Variants in BDH1 observed in about 807,000 individuals in gnomAD.
The protein encoded by BDH1 is D-beta-hydroxybutyrate dehydrogenase, mitochondrial.
In BDH1, 30 loss-of-function variants were observed where a neutral mutation model predicts 33.1. The observed-to-expected ratio is 0.91, with a 90% CI of 0.68 to 1.23. The LOEUF is 1.23. Among genes scored for constraint, BDH1 ranks in the 50% most tolerant of loss-of-function variants. The pLI is 0.00. For synonymous variants in BDH1, 190 were observed against 183.6 expected (o/e 1.03, Z -0.28); for missense variants, 443 against 464.4 (o/e 0.95, Z 0.42).
intron 3 of BDH1, among the ~76,000 whole-genome samples, chr3:197,536,854 A>G (rs780132990): frequency 2.6e-5 from 4 of 152,242 alleles, no homozygotes; most frequent in Admixed American, 1.3e-4. Flanking sequence ...AAAAAAACCC[A>G]ACCAAACAAA....
At chr3:197,553,149 C>T (rs1716707808) in intron 2 of BDH1, among the ~76,000 whole-genome samples, 1 of 151,770 alleles carries the variant, frequency 6.6e-6, no homozygotes, top group Admixed American at 6.6e-5. Context: ...AACTCCTAAC[C>T]TCAAATGATC....
intron 1 of BDH1, chr3:197,573,064 C>G (rs1037940821): frequency 6.6e-6 from 1 of 152,206 alleles, no homozygotes; most frequent in African/African-American, 2.4e-5. Flanking sequence ...TTTCCAAAGG[C>G]CTATTCACGC....
chr3:197,511,975 T>C lies in BDH1; in HGVS notation c.952A>G (p.Met318Val), dbSNP rs752493424. 1 of 1,610,422 alleles carries C rather than the reference T, an allele frequency of 6.2e-7. No individual in the cohort carries two copies. The highest frequency in any genetic ancestry group is 8.5e-7 in the Non-Finnish European group (1 of 1,177,998). ...ATTPYTRYHPMDYYWWLRMQI... is the reference protein window; with the variant it reads ...ATTPYTRYHPVDYYWWLRMQI... ...ATTCGCAGCCACCAGTAGTAGTCCA[T>C]GGGGTGGTAGCGGGTGTAGGGGGTG... Residue 318 changes from methionine (M) to valine (V), a missense_variant, in exon 8 of 8, where the codon ATG (methionine) becomes GTG (valine). Coordinates refer to ENST00000392379, the MANE Select transcript of BDH1 (RefSeq NM_203314.3).
At position 197,562,707 on chromosome 3, in the gene BDH1, C is replaced by T. The variant is rs533963872; in HGVS notation, c.-44+10474G>A. Among the ~76,000 whole-genome samples, 101 of 151,852 alleles carry T rather than the reference C, an allele frequency of 6.7e-4. 1 individual carries two copies. Among genetic ancestry groups the T allele is most frequent in the African/African-American group, 2.2e-3 (92 of 41,370 alleles). ...TGGAGTCCTGCCCACAAGCAGCTCACATCGATCCATGCACAAAAACCCTAG... is the reference window on the plus strand; with the variant it reads ...TGGAGTCCTGCCCACAAGCAGCTCATATCGATCCATGCACAAAAACCCTAG... On this transcript the variant is annotated intron_variant, in intron 1 of 6. Coordinates refer to the BDH1 transcript ENST00000358186.
At position 197,520,110 on chromosome 3, in the gene BDH1, AGG is replaced by A. The variant is rs1198176191; in HGVS notation, c.409+2528_409+2529del. Among the ~76,000 whole-genome samples, 1 of 152,028 alleles carries A rather than the reference AGG, an allele frequency of 6.6e-6. No individual in the cohort carries two copies. The highest frequency in any genetic ancestry group is 3.2e-3 in the Middle Eastern group (1 of 316). Reference sequence around the variant, plus strand: ...TGGAGTTCACAGCCGGCATTGCCTGAGGGGGAATTGCCAAGGCAAGGCCAAGA... The same window carrying A: ...TGGAGTTCACAGCCGGCATTGCCTGAGGGAATTGCCAAGGCAAGGCCAAGA... On this transcript the variant is annotated intron_variant, in intron 6 of 7. Coordinates refer to ENST00000392379, the MANE Select transcript of BDH1 (RefSeq NM_203314.3). The surrounding 1 kb of genome is among the most constrained non-coding windows in gnomAD (Gnocchi z 6.0).
intron 2 of BDH1, among the ~76,000 whole-genome samples, chr3:197,549,567 A>C (rs530235712): frequency 1.8e-4 from 28 of 152,358 alleles, no homozygotes; most frequent in African/African-American, 5.8e-4. Flanking sequence ...AAGAGAACTC[A>C]GGTGTTTCTG....
At chr3:197,560,831 T>C (rs1717236946), upstream of BDH1, among the ~76,000 whole-genome samples, 1 of 152,250 alleles carries the variant, frequency 6.6e-6, no homozygotes, top group South Asian at 2.1e-4. Flanking sequence ...TAAATGTGTA[T>C]CTGATTGCCT....
chr3:197,511,820 A>G lies in BDH1; in HGVS notation c.*75T>C. ...TGGATAATCCACACGTGGATAATCA[A>G]GAGTTGACTATATGGGTTCCTCCCT... On this transcript the variant is annotated 3_prime_UTR_variant, in exon 8 of 8. Transcript: ENST00000392379. The G allele has an allele frequency of 1.4e-6, 2 of 1,382,550 alleles. No individual in the cohort carries two copies. The highest frequency in any genetic ancestry group is 4.6e-5 in the East Asian group (2 of 43,222). The allele number at this position is 1,382,550 out of a possible 1,614,324, so 85.6% of individuals were successfully genotyped here. A position where few individuals can be genotyped will look rare whatever the true frequency, so the allele number is the denominator to read the frequency against.
intron 1 of BDH1, among the ~76,000 whole-genome samples, chr3:197,569,693 C>T (rs1717545626): frequency 6.6e-6 from 1 of 152,342 alleles, no homozygotes; most frequent in South Asian, 2.1e-4. Flanking sequence ...TTGTCTGCCA[C>T]CATGTAAGAC....
At chr3:197,542,599 C>T (rs1454906243) in intron 3 of BDH1, among the ~76,000 whole-genome samples, 3 of 148,252 alleles carry the variant, frequency 2.0e-5, no homozygotes, top group Admixed American at 1.4e-4. Context: ...TCTCGGCTCA[C>T]CGCAACCTCT....
intron 3 of BDH1, chr3:197,543,195 A>G (rs1207465438): frequency 1.0e-6 from 1 of 984,966 alleles, no homozygotes; most frequent in Non-Finnish European, 1.2e-6. Flanking sequence ...AGGAACACAT[A>G]TCAGTGGCAC....
rs1713675589 is a variant in BDH1, at chr3:197,522,642, T to G, written c.407A>C (p.Lys136Thr). 1.9e-6 allele frequency: 3 copies of G among 1,613,960 alleles called. No individual in the cohort carries two copies. The highest frequency in any genetic ancestry group is 1.3e-5 in the African/African-American group (1 of 74,912). ...TGCCGTCCGAAGGGGCGCCCTACCT[T>G]TCTCAGGGTCCTTCAGGCTCGAGCG... is the stretch of plus-strand genomic sequence containing the variant. Reference protein sequence around the residue: ...IVRSSLKDPEKGMWGLVNNAG... With the variant: ...IVRSSLKDPETGMWGLVNNAG... Residue 136 changes from lysine to threonine, a missense_variant and splice_region_variant, in exon 6 of 8, where the codon AAA becomes ACA. By Grantham distance (78) the Lys-to-Thr change is moderately conservative. Transcript: ENST00000392379. The surrounding 1 kb of genome is among the most constrained non-coding windows in gnomAD (Gnocchi z 4.8).
intron 5 of BDH1, among the ~76,000 whole-genome samples, chr3:197,531,529 C>T (rs1714664131): frequency 6.6e-6 from 1 of 151,250 alleles, no homozygotes. Context: ...GCTACTGATG[C>T]ATTCTGCAAC....
At position 197,522,543 on chromosome 3, in the gene BDH1, G is replaced by T; in HGVS notation, c.409+97C>A. 6.7e-7 allele frequency: 1 copy of T among 1,484,158 alleles called. No homozygotes were observed. 91.9% of individuals were successfully genotyped at this position (1,484,158 alleles called of 1,614,324 possible). A position where few individuals can be genotyped will look rare whatever the true frequency, so the allele number is the denominator to read the frequency against. On this transcript the variant is annotated intron_variant, in intron 6 of 7. Coordinates refer to ENST00000392379, the MANE Select transcript of BDH1 (RefSeq NM_203314.3). The surrounding 1 kb of genome is among the most constrained non-coding windows in gnomAD (Gnocchi z 4.8). ...GAGCCTAAACAATAAGGAAGGGAGT[G>T]TGGTGGCAGGATGCCAGCCAGTGGA...
At chr3:197,519,967 G>A (rs1290857517) in intron 6 of BDH1, among the ~76,000 whole-genome samples, 1 of 152,138 alleles carries the variant, frequency 6.6e-6, no homozygotes, top group Admixed American at 6.6e-5. Context: ...CGTCAAACTC[G>A]CCAACCAAAT....
rs745811117 is a variant in BDH1, at chr3:197,514,165, G to C, written c.562+99C>G. The C allele has an allele frequency of 2.8e-6, 4 of 1,452,814 alleles. No homozygotes were observed. In the Admixed American group the frequency reaches 8.9e-5, roughly 32 times the overall value. The allele number at this position is 1,452,814 out of a possible 1,614,324, so 90.0% of individuals were successfully genotyped here. ...TTCACGAGCTCACCTCTGCTGAGTT[G>C]TGGACATTGGAGCTGCTGGGACAGG... On this transcript the variant is annotated intron_variant, in intron 7 of 7. Transcript: ENST00000392379. The surrounding 1 kb of genome is among the most constrained non-coding windows in gnomAD (Gnocchi z 4.2).
At chr3:197,561,851 T>A (rs1191199492) in intron 1 of BDH1, among the ~76,000 whole-genome samples, 1 of 152,212 alleles carries the variant, frequency 6.6e-6, no homozygotes, top group East Asian at 1.9e-4. Flanking sequence ...AAAAAAAAAA[T>A]ATTTATTTCA....
Position 197,532,445 on chromosome 3 carries a change from T to C in BDH1, c.234A>G (p.Lys78=). Residue 78 remains lysine, a synonymous_variant, in exon 5 of 8, where the codon AAA becomes AAG. Transcript: ENST00000392379. ...AGCAGCCAGCAAACACAAGGAAGCCTTTTGAATGCAGATGCTTGGCCAATG... is the reference window on the plus strand; with the variant it reads ...AGCAGCCAGCAAACACAAGGAAGCCCTTTGAATGCAGATGCTTGGCCAATG... The part of the protein sequence containing the change: ...GFSLAKHLHS[K]GFLVFAGCLM... 1 of 1,614,208 alleles carries C rather than the reference T, an allele frequency of 6.2e-7. No homozygotes were observed. Among genetic ancestry groups the C allele is most frequent in the South Asian group, 1.1e-5 (1 of 91,082 alleles).
At position 197,520,318 on chromosome 3, in the gene BDH1, A is replaced by C. The variant is rs116800084; in HGVS notation, c.409+2322T>G. Among the ~76,000 whole-genome samples the C allele has an allele frequency of 5.8e-3, 867 of 150,262 alleles. 4 individuals carry two copies. The highest frequency in any genetic ancestry group is 0.02 in the African/African-American group (835 of 41,100). ...AAAAAAAATGCAGTATCGGTTAAGG[A>C]AGTTGATGGTGAGAGGTTCATCCAG... is the stretch of plus-strand genomic sequence containing the variant. On this transcript the variant is annotated intron_variant, in intron 6 of 7. Transcript: ENST00000392379. The surrounding 1 kb of genome is among the most constrained non-coding windows in gnomAD (Gnocchi z 6.0).
Sources: gnomAD v4.1 joint callset for allele counts (sites outside exome capture counted in the v4.1 genomes callset) on GRCh38, gnomAD v4.1.1 for gene constraint, Gnocchi (gnomAD v3.1) non-coding constraint, MANE v1.5 for transcripts, NCBI Gene and HGNC (gene_info 2026-07-23, HGNC 2026-07-21) for gene names.